ZNF804B: variants seen among roughly 807,000 people sequenced by gnomAD.
ZNF804B encodes the protein zinc finger 804B.
Under a neutral mutation model 101.4 loss-of-function variants are expected in ZNF804B, and 80 were observed. The observed-to-expected ratio is 0.79, with a 90% confidence interval of 0.66 to 0.95. The LOEUF (loss-of-function observed/expected upper bound fraction) is 0.95, where lower values mean the gene tolerates loss of function less well. ZNF804B is among the 40% of genes least tolerant of loss of function. ZNF804B has a pLI of 0.00. For synonymous variants in ZNF804B, 622 were observed against 558.8 expected, an observed-to-expected ratio of 1.11 and a Z score of -1.59; for missense variants, 1,673 against 1,561.9, an observed-to-expected ratio of 1.07 and a Z score of -1.20.
chr7:88,907,965 C>A (rs1031748412), intron 1 of ZNF804B, among the ~76,000 whole-genome samples: 9 of 151,948 alleles, frequency 5.9e-5, no homozygotes, highest in Non-Finnish European at 1.0e-4. Flanking sequence ...GCAAAAACAA[C>A]TTTGTTATGA....
At chr7:89,308,624 G>A (rs1040902125) in intron 2 of ZNF804B, among the ~76,000 whole-genome samples, 7 of 152,070 alleles carry the variant, frequency 4.6e-5, no homozygotes, top group Admixed American at 2.0e-4. Context: ...TATCACTCAG[G>A]GAAATTCTCC....
chr7:88,986,587 C>T (rs1057278085), intron 1 of ZNF804B, among the ~76,000 whole-genome samples: 2 of 152,100 alleles, frequency 1.3e-5, no homozygotes, highest in Admixed American at 6.6e-5. Context: ...ACTTTGCCTT[C>T]TCTTGTAGTG....
chr7:89,143,918 A>G (rs1054843007), intron 1 of ZNF804B, among the ~76,000 whole-genome samples: 2 of 152,022 alleles, frequency 1.3e-5, no homozygotes, highest in Non-Finnish European at 2.9e-5. Context: ...GCTGGTGGCA[A>G]TAGCCTTAAA....
intron 2 of ZNF804B, among the ~76,000 whole-genome samples, chr7:89,271,053 T>G (rs2115838461): frequency 6.6e-6 from 1 of 152,294 alleles, no homozygotes; most frequent in South Asian, 2.1e-4. Context: ...TTGAATACCC[T>G]TTATTTCTTT....
intron 1 of ZNF804B, among the ~76,000 whole-genome samples, chr7:89,078,796 A>G (rs1369835619): frequency 3.3e-5 from 5 of 151,978 alleles, no homozygotes; most frequent in African/African-American, 9.7e-5. Context: ...GAGAAATACA[A>G]TTGGTCTTTC....
At chr7:89,219,086 G>C (rs1367403376) in intron 2 of ZNF804B, among the ~76,000 whole-genome samples, 1 of 151,714 alleles carries the variant, frequency 6.6e-6, no homozygotes, top group Non-Finnish European at 1.5e-5. Context: ...ACTAGTACTA[G>C]GACAGAATCT....
chr7:89,168,118 A>G (rs1791170922), intron 1 of ZNF804B, among the ~76,000 whole-genome samples: 1 of 151,988 alleles, frequency 6.6e-6, no homozygotes, highest in African/African-American at 2.4e-5. Context: ...AAAGAAAATA[A>G]CTATCCCAGT....
At chr7:89,228,708 A>T (rs575116341) in intron 2 of ZNF804B, among the ~76,000 whole-genome samples, 1 of 152,298 alleles carries the variant, frequency 6.6e-6, no homozygotes, top group South Asian at 2.1e-4. Flanking sequence ...GGCTTCACCC[A>T]GTGGATCCCA....
intron 1 of ZNF804B, among the ~76,000 whole-genome samples, chr7:88,876,323 C>G (rs1055339018): frequency 3.3e-5 from 5 of 152,100 alleles, no homozygotes; most frequent in African/African-American, 4.8e-5. Flanking sequence ...TTTTTGAATT[C>G]TCTAATAGGG....
At chr7:88,939,272 A>T (rs1019326187) in intron 1 of ZNF804B, among the ~76,000 whole-genome samples, 1 of 151,972 alleles carries the variant, frequency 6.6e-6, no homozygotes, top group Non-Finnish European at 1.5e-5. Flanking sequence ...TCTAGATTAC[A>T]TATAATACCC....
chr7:88,894,141 T>G (rs1239109768), intron 1 of ZNF804B, among the ~76,000 whole-genome samples: 1 of 152,156 alleles, frequency 6.6e-6, no homozygotes. Flanking sequence ...TGGAAAATAG[T>G]TAATTTTAGA....
At chr7:88,841,851 A>T (rs1051851917) in intron 1 of ZNF804B, among the ~76,000 whole-genome samples, 1 of 152,178 alleles carries the variant, frequency 6.6e-6, no homozygotes, top group Non-Finnish European at 1.5e-5. Flanking sequence ...AATTATATTC[A>T]GTAGAATTTT....
chr7:89,250,572 T>C (rs35332953), intron 2 of ZNF804B, among the ~76,000 whole-genome samples: 18,595 of 152,010 alleles, frequency 0.12, 1,221 homozygotes, highest in Middle Eastern at 0.25. Flanking sequence ...GAGGAGGGAC[T>C]CCTCCCTAAC....
At chr7:89,176,828 C>A (rs1247735220) in intron 1 of ZNF804B, among the ~76,000 whole-genome samples, 1 of 151,632 alleles carries the variant, frequency 6.6e-6, no homozygotes, top group Non-Finnish European at 1.5e-5. Flanking sequence ...TGTTATTCAT[C>A]TTCTCAGGTT....
chr7:89,335,835 T>C lies in ZNF804B; in HGVS notation c.2853T>C (p.Cys951=), dbSNP rs754741485. 6 of 1,614,008 alleles carry C rather than the reference T, an allele frequency of 3.7e-6. No individual in the cohort carries two copies. Among genetic ancestry groups the C allele is most frequent in the East Asian group, 2.2e-5 (1 of 44,858 alleles). Residue 951 remains cysteine, a synonymous_variant, in exon 4 of 4, where the codon TGT becomes TGC. Transcript: ENST00000333190. ...SSNVEISSNS[C]KSELEAPSQV... is the part of the protein sequence containing the mutation. ...ATGTTGAGATCTCTTCAAACAGTTG[T>C]AAAAGTGAATTAGAGGCTCCTTCGC...
intron 1 of ZNF804B, among the ~76,000 whole-genome samples, chr7:89,036,033 T>C (rs1035386875): frequency 1.4e-5 from 2 of 142,364 alleles, no homozygotes; most frequent in Non-Finnish European, 3.1e-5. Context: ...TAATATGTTA[T>C]ATATATATAA....
At chr7:89,091,428 T>C (rs1466018331) in intron 1 of ZNF804B, among the ~76,000 whole-genome samples, 1 of 152,106 alleles carries the variant, frequency 6.6e-6, no homozygotes, top group Non-Finnish European at 1.5e-5. Context: ...CCTCAATTTC[T>C]TGGGTTGAGT....
In ZNF804B at chr7:89,335,463, T is replaced by C; in HGVS notation, c.2481T>C (p.Tyr827=). 6.2e-7 allele frequency: 1 copy of C among 1,613,978 alleles called. No homozygotes were observed. Among genetic ancestry groups the C allele is most frequent in the Non-Finnish European group, 8.5e-7 (1 of 1,179,956 alleles). ...FSGLKSTRII[Y]CDSNSQISCT... ...GGCTAAAATCTACGAGAATCATCTA[T>C]TGTGATTCTAACTCACAGATTTCCT... Residue 827 remains tyrosine, a synonymous_variant, in exon 4 of 4, where the codon TAT becomes TAC. Transcript: ENST00000333190.
At chr7:88,942,016 AG>A (rs1793061798) in intron 1 of ZNF804B, among the ~76,000 whole-genome samples, 5 of 151,960 alleles carry the variant, frequency 3.3e-5, no homozygotes, top group African/African-American at 1.2e-4. Context: ...GCCTAGATGA[AG>A]GAAGCTCTTC....
Sources: allele counts gnomAD v4.1 joint callset (sites outside exome capture counted in the v4.1 genomes callset), GRCh38; gene constraint gnomAD v4.1.1; transcripts MANE v1.5; gene names NCBI Gene and HGNC (gene_info 2026-07-23, HGNC 2026-07-21).